Variants in PIK3CG observed in about 807,000 individuals in gnomAD.
The protein encoded by PIK3CG is phosphatidylinositol-4,5-bisphosphate 3-kinase catalytic subunit gamma, also known as phosphatidylinositol 4,5-bisphosphate 3-kinase catalytic subunit gamma isoform.
PIK3CG carries 55 observed loss-of-function variants against 102.3 expected under a neutral mutation model. The observed-to-expected ratio is 0.54, with a 90% CI of 0.43 to 0.67. PIK3CG has a LOEUF of 0.67. Ranked by LOEUF, PIK3CG falls within the 30% of genes least tolerant of loss-of-function variation. The probability of loss-of-function intolerance (pLI) is 0.00; values close to 1 mark genes in which losing one functional copy is unlikely to be tolerated. For synonymous variants in PIK3CG, 552 were observed against 540.0 expected, an observed-to-expected ratio of 1.02 and a Z score of -0.31; for missense variants, 1,258 against 1,391.8, an observed-to-expected ratio of 0.90 and a Z score of 1.53.
intron 5 of PIK3CG, among the ~76,000 whole-genome samples, chr7:106,878,268 C>T (rs966827243): frequency 7.9e-5 from 12 of 151,918 alleles, no homozygotes; most frequent in Admixed American, 3.3e-4. Flanking sequence ...GTCTTTTTCC[C>T]CAGGCTGTTT....
rs78821110 is a variant in PIK3CG, at chr7:106,880,002, G to T, written c.2538+337G>T. 6.8e-3 allele frequency among the ~76,000 whole-genome samples: 1,033 copies of T among 152,150 alleles called. 2 individuals carry two copies. Among genetic ancestry groups the T allele is most frequent in the Non-Finnish European group, 0.01 (687 of 68,008 alleles). On this transcript the variant is annotated intron_variant, in intron 6 of 10. Transcript: ENST00000496166. This position sits in a 1 kb window ranked among gnomAD's most constrained non-coding sequence, Gnocchi z 4.2. ...TATCCCCAGCACTCACTTCATTCCT[G>T]CCCATAGACATGTCTGCACATCTCT...
intron 2 of PIK3CG, among the ~76,000 whole-genome samples, chr7:106,870,920 G>A (rs1790513092): frequency 6.6e-6 from 1 of 152,132 alleles, no homozygotes; most frequent in Non-Finnish European, 1.5e-5. Context: ...AGAATCTTCA[G>A]TTTTCTAGCT....
In PIK3CG at chr7:106,884,397, A is replaced by ACCATCAT. The variant is rs1406175695; in HGVS notation, c.2872+133_2872+139dup. ...TTACATATGTTCACCTTGTTGTACA[A>ACCATCAT]CCATCATCACCATTCATCCCCAGAA... On this transcript the variant is annotated intron_variant, in intron 9 of 10. Coordinates refer to ENST00000496166, the MANE Select transcript of PIK3CG (RefSeq NM_001282426.2). This position sits in a 1 kb window ranked among gnomAD's most constrained non-coding sequence, Gnocchi z 4.2. The ACCATCAT allele has an allele frequency of 9.4e-6, 6 of 638,502 alleles. No individual in the cohort carries two copies. Among genetic ancestry groups the ACCATCAT allele is most frequent in the Non-Finnish European group, 1.6e-5 (6 of 368,794 alleles). The allele number at this position is 638,502 out of a possible 1,614,324, so 39.6% of individuals were successfully genotyped here.
chr7:106,883,875 T>TA lies in PIK3CG; in HGVS notation c.2761-280_2761-279insA, dbSNP rs1284423172. ...TGGGTTCTATATAGTTGTTGGCAAGTGATGCATGGAGAGGAAGTGAACCCT... is the reference window on the plus strand; with the variant it reads ...TGGGTTCTATATAGTTGTTGGCAAGTAGATGCATGGAGAGGAAGTGAACCCT... On this transcript the variant is annotated intron_variant, in intron 8 of 10. Coordinates refer to ENST00000496166, the MANE Select transcript of PIK3CG (RefSeq NM_001282426.2). The surrounding 1 kb of genome is among the most constrained non-coding windows in gnomAD (Gnocchi z 5.8). 1.1e-4 allele frequency among the ~76,000 whole-genome samples: 16 copies of TA among 152,336 alleles called. No individual in the cohort carries two copies. Among genetic ancestry groups the TA allele is most frequent in the Non-Finnish European group, 2.2e-4 (15 of 68,022 alleles).
rs1791758112 is a variant in PIK3CG, at chr7:106,908,920, T to A, written c.*3533T>A. ...TTTTTAAGTGTTCTGTTGGCTTATT[T>A]TCTGTTTCATCCAACTCAATAATTC... On this transcript the variant is annotated 3_prime_UTR_variant, in exon 11 of 11. Coordinates refer to ENST00000496166, the MANE Select transcript of PIK3CG (RefSeq NM_001282426.2). The surrounding 1 kb of genome is among the most constrained non-coding windows in gnomAD (Gnocchi z 4.1). Among the ~76,000 whole-genome samples, 1 of 152,174 alleles carries A rather than the reference T, an allele frequency of 6.6e-6. No homozygotes were observed. Among genetic ancestry groups the A allele is most frequent in the South Asian group, 2.1e-4 (1 of 4,832 alleles).
At position 106,902,973 on chromosome 7, in the gene PIK3CG, G is replaced by C. The variant is rs1791600009; in HGVS notation, c.3031-2136G>C. On this transcript the variant is annotated intron_variant, in intron 10 of 10. Coordinates refer to ENST00000496166, the MANE Select transcript of PIK3CG (RefSeq NM_001282426.2). The surrounding 1 kb of genome is among the most constrained non-coding windows in gnomAD (Gnocchi z 4.3). ...TTTAATTCATCTGGAATTTATTTTT[G>C]GTATATCACATGGAGTAGAATTTTA... Among the ~76,000 whole-genome samples, 1 of 151,788 alleles carries C rather than the reference G, an allele frequency of 6.6e-6. No individual in the cohort carries two copies. The highest frequency in any genetic ancestry group is 2.1e-4 in the South Asian group (1 of 4,824).
chr7:106,882,788 A>G (rs1790978323), intron 7 of PIK3CG: 1 of 385,252 alleles, frequency 2.6e-6, no homozygotes, highest in Non-Finnish European at 4.6e-6. Flanking sequence ...ACTATTCAAA[A>G]CCAGCCCTTT....
At position 106,877,827 on chromosome 7, in the gene PIK3CG, A is replaced by G. The variant is rs1385897551; in HGVS notation, c.2392-1692A>G. 1.3e-5 allele frequency among the ~76,000 whole-genome samples: 2 copies of G among 152,232 alleles called. No homozygotes were observed. The highest frequency in any genetic ancestry group is 2.1e-4 in the South Asian group (1 of 4,828). On this transcript the variant is annotated intron_variant, in intron 5 of 10. Coordinates refer to ENST00000496166, the MANE Select transcript of PIK3CG (RefSeq NM_001282426.2). This position sits in a 1 kb window ranked among gnomAD's most constrained non-coding sequence, Gnocchi z 4.5. Reference sequence around the variant, plus strand: ...TACGTGTGCTTATACAGGCAACAGTATACTTCCATTAACCCCCGCATCCTT... The same window carrying G: ...TACGTGTGCTTATACAGGCAACAGTGTACTTCCATTAACCCCCGCATCCTT...
In PIK3CG at chr7:106,884,877, G is replaced by C. The variant is rs1381266237; in HGVS notation, c.2872+611G>C. On this transcript the variant is annotated intron_variant, in intron 9 of 10. Transcript: ENST00000496166. This position sits in a 1 kb window ranked among gnomAD's most constrained non-coding sequence, Gnocchi z 4.2. The stretch of plus-strand genomic sequence containing the variant: ...TATTTACAGCCACTGCCCAGTGCTA[G>C]CATCACCACCTCAGCTCCACCTCAG... Among the ~76,000 whole-genome samples the C allele has an allele frequency of 6.6e-6, 1 of 152,128 alleles. No individual in the cohort carries two copies. Among genetic ancestry groups the C allele is most frequent in the Non-Finnish European group, 1.5e-5 (1 of 68,030 alleles).
Position 106,867,962 on chromosome 7 carries a change from A to G in PIK3CG, c.401A>G (p.Gln134Arg), listed in dbSNP as rs772173250. ...YWKATHRSPG[Q>R]IHLVQRHPPS... The stretch of plus-strand genomic sequence containing the variant: ...AAGGCCACGCACCGGAGCCCGGGCC[A>G]GATCCACCTGGTGCAGCGGCACCCG... The change falls in exon 2 of 11, where the codon CAG becomes CGG. Residue 134 changes from glutamine to arginine, a missense_variant. By Grantham distance (43) the Gln-to-Arg change is conservative (BLOSUM62 1). Coordinates refer to ENST00000496166, the MANE Select transcript of PIK3CG (RefSeq NM_001282426.2). This position sits in a 1 kb window ranked among gnomAD's most constrained non-coding sequence, Gnocchi z 5.1. The G allele has an allele frequency of 1.2e-6, 2 of 1,612,684 alleles. No individual in the cohort carries two copies. Among genetic ancestry groups the G allele is most frequent in the East Asian group, 2.2e-5 (1 of 44,842 alleles).
intron 10 of PIK3CG, among the ~76,000 whole-genome samples, chr7:106,888,590 C>T (rs1249375697): frequency 6.6e-6 from 1 of 152,158 alleles, no homozygotes; most frequent in African/African-American, 2.4e-5. Flanking sequence ...GTTTCTCAAG[C>T]CATTAAAACC....
Position 106,869,659 on chromosome 7 carries a change from G to A in PIK3CG, c.1995+103G>A. On this transcript the variant is annotated intron_variant, in intron 2 of 10. Transcript: ENST00000496166. The surrounding 1 kb of genome is among the most constrained non-coding windows in gnomAD (Gnocchi z 5.3). The stretch of plus-strand genomic sequence containing the variant: ...TGTCATCAAATGCCCTTTGTTCAGA[G>A]CTTCATCATCGGCAAAAGTAGATAT... 1 of 967,656 alleles carries A rather than the reference G, an allele frequency of 1.0e-6. No individual in the cohort carries two copies. Among genetic ancestry groups the A allele is most frequent in the Non-Finnish European group, 1.5e-6 (1 of 660,434 alleles). 59.9% of individuals were successfully genotyped at this position (967,656 alleles called of 1,614,324 possible). A position where few individuals can be genotyped will look rare whatever the true frequency, so the allele number is the denominator to read the frequency against.
intron 10 of PIK3CG, among the ~76,000 whole-genome samples, chr7:106,898,210 C>G (rs1791457440): frequency 6.6e-6 from 1 of 152,120 alleles, no homozygotes. Flanking sequence ...GAGTCCTTTG[C>G]CCACTTCTTA....
chr7:106,888,190 C>T (rs189198313), intron 10 of PIK3CG, among the ~76,000 whole-genome samples: 12 of 152,126 alleles, frequency 7.9e-5, no homozygotes, highest in East Asian at 3.9e-4. Flanking sequence ...CCGCCTGCCT[C>T]GGCCTCCCAA....
At chr7:106,870,573 A>G (rs1790500398) in intron 2 of PIK3CG, among the ~76,000 whole-genome samples, 1 of 152,244 alleles carries the variant, frequency 6.6e-6, no homozygotes. Flanking sequence ...ACTATACCGT[A>G]TTATGAGAAA....
intron 4 of PIK3CG, among the ~76,000 whole-genome samples, chr7:106,873,322 A>G (rs1790607022): frequency 6.6e-6 from 1 of 152,192 alleles, no homozygotes; most frequent in African/African-American, 2.4e-5. Context: ...TTGAGAGGCT[A>G]TTTTAATTTT....
At chr7:106,881,500 A>C (rs1790933230) in intron 6 of PIK3CG, among the ~76,000 whole-genome samples, 1 of 152,178 alleles carries the variant, frequency 6.6e-6, no homozygotes, top group African/African-American at 2.4e-5. Context: ...GACACAAGTA[A>C]AGCAGAACAT....
intron 5 of PIK3CG, among the ~76,000 whole-genome samples, chr7:106,878,881 C>T (rs1440991501): frequency 1.3e-5 from 2 of 152,194 alleles, no homozygotes; most frequent in Non-Finnish European, 2.9e-5. Context: ...TAAATGACTA[C>T]ATCACAATTT....
At position 106,874,684 on chromosome 7, in the gene PIK3CG, C is replaced by T. The variant is rs1274841629; in HGVS notation, c.2288-16C>T. 1 of 1,521,242 alleles carries T rather than the reference C, an allele frequency of 6.6e-7. No individual in the cohort carries two copies. Among genetic ancestry groups the T allele is most frequent in the South Asian group, 1.1e-5 (1 of 88,978 alleles). 94.2% of individuals were successfully genotyped at this position (1,521,242 alleles called of 1,614,324 possible). A position where few individuals can be genotyped will look rare whatever the true frequency, so the allele number is the denominator to read the frequency against. The stretch of plus-strand genomic sequence containing the variant: ...CTGGAACTCACATAACTCTTGTGTA[C>T]TTTTGACAATTACAGTTATTTCACA... On this transcript the variant is annotated splice_polypyrimidine_tract_variant and intron_variant, in intron 4 of 10. Transcript: ENST00000496166. This position sits in a 1 kb window ranked among gnomAD's most constrained non-coding sequence, Gnocchi z 4.3.
Sources: gnomAD v4.1 joint callset for allele counts (sites outside exome capture counted in the v4.1 genomes callset) on GRCh38, gnomAD v4.1.1 for gene constraint, Gnocchi (gnomAD v3.1) non-coding constraint, MANE v1.5 for transcripts, NCBI Gene and HGNC (gene_info 2026-07-23, HGNC 2026-07-21) for gene names.